The following EXTL3 variants were observed in gnomAD, a reference collection of about 807,000 sequenced individuals.
EXTL3 encodes exostosin-like 3.
A neutral mutation model predicts 69.3 loss-of-function variants in EXTL3; 27 were observed. The observed-to-expected ratio is 0.39, with a 90% CI of 0.29 to 0.54. EXTL3 has a LOEUF of 0.54. Among genes scored for constraint, EXTL3 ranks in the 20% least tolerant of loss-of-function variants. The probability of loss-of-function intolerance (pLI) is 0.69; values close to 1 mark genes in which losing one functional copy is unlikely to be tolerated. For synonymous variants in EXTL3, 511 were observed against 499.4 expected, an observed-to-expected ratio of 1.02 and a Z score of -0.31; for missense variants, 1,003 against 1,231.8, an observed-to-expected ratio of 0.81 and a Z score of 2.78.
intron 6 of EXTL3, among the ~76,000 whole-genome samples, chr8:28,748,199 A>G (rs896690256): frequency 6.6e-6 from 1 of 151,962 alleles, no homozygotes; most frequent in African/African-American, 2.4e-5. Context: ...AGCAAAACCA[A>G]TCTCTACTAA....
chr8:28,653,637 A>G (rs1371509526), intron 1 of EXTL3, among the ~76,000 whole-genome samples: 1 of 152,146 alleles, frequency 6.6e-6, no homozygotes, highest in Non-Finnish European at 1.5e-5. Flanking sequence ...TTTCCCATTG[A>G]GTGGCCTTGA....
chr8:28,630,801 G>C (rs371798566), intron 1 of EXTL3, among the ~76,000 whole-genome samples: 1 of 152,220 alleles, frequency 6.6e-6, no homozygotes, highest in African/African-American at 2.4e-5. Flanking sequence ...AGATAGACAA[G>C]TGGGTGAGGT....
chr8:28,645,970 C>T (rs78458981), intron 1 of EXTL3, among the ~76,000 whole-genome samples: 2,110 of 152,162 alleles, frequency 0.014, 63 homozygotes, highest in African/African-American at 0.048. Context: ...TCCGGAGATC[C>T]TCCCACCTCA....
intron 1 of EXTL3, 111 bp downstream of exon 1, chr8:28,701,770 G>T: frequency 6.5e-6 from 1 of 152,998 alleles, no homozygotes; most frequent in South Asian, 1.8e-4. Context: ...GGGAGGGACC[G>T]GGTCCGCCGT....
At position 28,623,215 on chromosome 8, in the gene EXTL3, G is replaced by A. The variant is rs967009524; in HGVS notation, c.-53+405G>A. Among the ~76,000 whole-genome samples the A allele has an allele frequency of 1.3e-5, 2 of 152,142 alleles. No individual in the cohort carries two copies. Among genetic ancestry groups the A allele is most frequent in the African/African-American group, 4.8e-5 (2 of 41,438 alleles). On this transcript the variant is annotated intron_variant, in intron 1 of 6. Coordinates refer to the EXTL3 transcript ENST00000523149. The surrounding 1 kb of genome is among the most constrained non-coding windows in gnomAD (Gnocchi z 4.2). ...CTGCTGCCTCGGGTACGGGGTAAGC[G>A]GCATCTGCCACGCGCCCGCCTCGCG... is the stretch of plus-strand genomic sequence containing the variant.
intron 1 of EXTL3, among the ~76,000 whole-genome samples, chr8:28,707,809 AT>A (rs1263327760): frequency 6.6e-6 from 1 of 152,226 alleles, no homozygotes; most frequent in Non-Finnish European, 1.5e-5. Context: ...TGGTAAAACA[AT>A]ACGATTTGGA....
At position 28,716,401 on chromosome 8, in the gene EXTL3, C is replaced by T. The variant is rs538331636; in HGVS notation, c.342C>T (p.Ile114=). 6.2e-6 allele frequency: 10 copies of T among 1,613,786 alleles called. No homozygotes were observed. The highest frequency in any genetic ancestry group is 3.3e-5 in the South Asian group (3 of 91,060). The change falls in exon 3 of 7, where the codon ATC becomes ATT. Residue 114 remains isoleucine (I), a synonymous_variant. Transcript: ENST00000220562. This position sits in a 1 kb window ranked among gnomAD's most constrained non-coding sequence, Gnocchi z 7.1. ...AGATCGCCAAGCTGAATCTGAAGAT[C>T]GAAGCCTGTAAGAAGAGCATTGAGA... ...NSEIAKLNLK[I]EACKKSIENA...
At chr8:28,624,225 G>C (rs1435473841) in intron 1 of EXTL3, among the ~76,000 whole-genome samples, 1 of 152,134 alleles carries the variant, frequency 6.6e-6, no homozygotes. Context: ...ATTATGAATT[G>C]CCTATTACAT....
In EXTL3 at chr8:28,716,452, C is replaced by G. The variant is rs534156558; in HGVS notation, c.393C>G (p.Leu131=). The G allele has an allele frequency of 7.4e-6, 12 of 1,613,838 alleles. No homozygotes were observed. In the African/African-American group the frequency reaches 1.1e-4, roughly 14 times the overall value. The change falls in exon 3 of 7, where the codon CTC becomes CTG. Residue 131 remains leucine, a synonymous_variant. Coordinates refer to ENST00000220562, the MANE Select transcript of EXTL3 (RefSeq NM_001440.4). The surrounding 1 kb of genome is among the most constrained non-coding windows in gnomAD (Gnocchi z 7.1). The stretch of plus-strand genomic sequence containing the variant: ...ACGCCAAGCAGGACCTGCTCCAGCT[C>G]AAGAATGTCATCAGCCAGACCGAGC... ...IENAKQDLLQ[L]KNVISQTEHS...
chr8:28,651,729 C>A (rs78267009), intron 1 of EXTL3, among the ~76,000 whole-genome samples: 1,968 of 152,274 alleles, frequency 0.013, 55 homozygotes, highest in African/African-American at 0.045. Context: ...CCACTTAAGC[C>A]ACTTTTGTGT....
chr8:28,723,273 G>A (rs1801337085), intron 3 of EXTL3, among the ~76,000 whole-genome samples: 1 of 152,160 alleles, frequency 6.6e-6, no homozygotes, highest in Non-Finnish European at 1.5e-5. Context: ...CACTTCACTA[G>A]GAGCTGGCAC....
rs1234770614 is a variant in EXTL3 at position 28,751,707 on chromosome 8, A to C, written c.*841A>C. On this transcript the variant is annotated 3_prime_UTR_variant, in exon 7 of 7. Coordinates refer to ENST00000220562, the MANE Select transcript of EXTL3 (RefSeq NM_001440.4). ...TCTCTTGTTTGAGAGAGAATGAGGA[A>C]GCAAAGAGTGAGAAAGAATAGGGGC... is the stretch of plus-strand genomic sequence containing the variant. The C allele has an allele frequency of 6.6e-6, 1 of 152,234 alleles. No individual in the cohort carries two copies. Among genetic ancestry groups the C allele is most frequent in the Admixed American group, 6.5e-5 (1 of 15,286 alleles). 9.4% of individuals were successfully genotyped at this position (152,234 alleles called of 1,614,324 possible).
chr8:28,626,874 T>A (rs1806499416), intron 1 of EXTL3, among the ~76,000 whole-genome samples: 1 of 152,168 alleles, frequency 6.6e-6, no homozygotes, highest in South Asian at 2.1e-4. Flanking sequence ...TCTCAAGCAA[T>A]ACTGTTTATG....
upstream of EXTL3, among the ~76,000 whole-genome samples, chr8:28,619,853 T>C (rs1430189927): frequency 2.1e-5 from 1 of 48,474 alleles, no homozygotes; most frequent in Admixed American, 1.8e-4. Context: ...TTCTTTTTTT[T>C]TTTTTTTTTT....
intron 1 of EXTL3, among the ~76,000 whole-genome samples, chr8:28,688,860 G>A (rs1370023603): frequency 6.6e-6 from 1 of 152,194 alleles, no homozygotes; most frequent in East Asian, 1.9e-4. Context: ...AAGGAGTTAA[G>A]GACATCTCTT....
chr8:28,742,901 T>G (rs1801809910), intron 5 of EXTL3, 185 bp from the exon 6 acceptor site: 1 of 676,514 alleles, frequency 1.5e-6, no homozygotes, highest in Non-Finnish European at 2.7e-6. Context: ...AATGGGATAA[T>G]TCCTCACTGC....
intron 3 of EXTL3, among the ~76,000 whole-genome samples, chr8:28,720,818 A>T (rs1231101741): frequency 2.0e-5 from 3 of 152,204 alleles, no homozygotes; most frequent in Non-Finnish European, 4.4e-5. Context: ...TTGTAAACAC[A>T]TGGATCAGGT....
At chr8:28,737,374 T>C in intron 4 of EXTL3, 145 bp from the exon 5 acceptor site, 1 of 845,480 alleles carries the variant, frequency 1.2e-6, no homozygotes, top group South Asian at 1.5e-5. Flanking sequence ...GTTTGGCTTG[T>C]TGTTGATTTT....
chr8:28,717,990 G>A lies in EXTL3; in HGVS notation c.1931G>A (p.Gly644Glu), dbSNP rs1801202509. ...TGFRPIGGGA[G>E]GSGKEFQAAL... ...TTTCGGCCTATTGGTGGTGGAGCTG[G>A]GGGTTCTGGCAAGGAATTTCAGGCA... Residue 644 changes from glycine to glutamate, a missense_variant, in exon 3 of 7, where the codon GGG becomes GAG. This residue lies in a region of EXTL3 where 261 missense variants were observed against 416.4 expected (regional missense o/e 0.63). Coordinates refer to ENST00000220562, the MANE Select transcript of EXTL3 (RefSeq NM_001440.4). The surrounding 1 kb of genome is among the most constrained non-coding windows in gnomAD (Gnocchi z 8.3). The A allele has an allele frequency of 6.2e-7, 1 of 1,614,034 alleles. No individual in the cohort carries two copies. The highest frequency in any genetic ancestry group is 8.5e-7 in the Non-Finnish European group (1 of 1,180,044).
Sources: gnomAD v4.1 joint callset for allele counts (sites outside exome capture counted in the v4.1 genomes callset) on GRCh38, gnomAD v4.1.1 for gene constraint, gnomAD v4.1.1 regional missense constraint, Gnocchi (gnomAD v3.1) non-coding constraint, MANE v1.5 for transcripts, NCBI Gene and HGNC (gene_info 2026-07-23, HGNC 2026-07-21) for gene names.